Variants in AGBL4 observed in about 807,000 individuals in gnomAD.
AGBL4 encodes AGBL carboxypeptidase 4, also known as cytosolic carboxypeptidase 6.
In AGBL4, 58 loss-of-function variants were observed where a neutral mutation model predicts 66.4. The observed-to-expected ratio is 0.87, with a 90% confidence interval of 0.71 to 1.09. The LOEUF (loss-of-function observed/expected upper bound fraction) is 1.09, where lower values mean the gene tolerates loss of function less well. Among genes scored for constraint, AGBL4 ranks in the 50% least tolerant of loss-of-function variants. The pLI is 0.00. For synonymous variants in AGBL4, 234 were observed against 222.9 expected, an observed-to-expected ratio of 1.05 and a Z score of -0.44; for missense variants, 579 against 631.0, an observed-to-expected ratio of 0.92 and a Z score of 0.88.
chr1:48,984,085 C>T (rs1417363870), intron 5 of AGBL4, among the ~76,000 whole-genome samples: 4 of 151,998 alleles, frequency 2.6e-5, no homozygotes, highest in Non-Finnish European at 5.9e-5. Flanking sequence ...TAGGAGAGAA[C>T]ATACAAGGAT....
Position 49,202,056 on chromosome 1 carries a change from C to T in AGBL4, c.377+43714G>A, listed in dbSNP as rs563374158. Among the ~76,000 whole-genome samples the T allele has an allele frequency of 2.4e-4, 36 of 152,204 alleles. 1 individual carries two copies. In the South Asian group the frequency reaches 7.5e-3, roughly 32 times the overall value. ...AATTCCCTCAGGAGATGCTATCCAT[C>T]AAAGGGCTCTCCTTAGCAGTAGAAT... is the stretch of plus-strand genomic sequence containing the variant. On this transcript the variant is annotated intron_variant, in intron 4 of 13. Transcript: ENST00000371839.
chr1:48,820,233 C>T (rs1646280827), intron 6 of AGBL4, among the ~76,000 whole-genome samples: 1 of 152,108 alleles, frequency 6.6e-6, no homozygotes, highest in Admixed American at 6.5e-5. Context: ...TTAGAAAACA[C>T]TCTCATTTAA....
At chr1:48,763,233 C>A (rs886764791) in intron 6 of AGBL4, among the ~76,000 whole-genome samples, 2 of 152,186 alleles carry the variant, frequency 1.3e-5, no homozygotes, top group African/African-American at 4.8e-5. Flanking sequence ...GCCTTTCCCA[C>A]TGAGTGGAGG....
intron 6 of AGBL4, among the ~76,000 whole-genome samples, chr1:48,669,630 T>C (rs989687982): frequency 1.3e-5 from 2 of 152,194 alleles, no homozygotes; most frequent in African/African-American, 4.8e-5. Flanking sequence ...TCCCAGACTT[T>C]ATATATATTT....
intron 6 of AGBL4, among the ~76,000 whole-genome samples, chr1:48,746,201 CAA>C (rs1325549098): frequency 1.3e-5 from 2 of 152,130 alleles, no homozygotes; most frequent in Admixed American, 6.5e-5. Flanking sequence ...TTATATGAAA[CAA>C]TGATTTCAGA....
At chr1:49,483,549 T>A (rs1478660725) in intron 3 of AGBL4, among the ~76,000 whole-genome samples, 1 of 152,028 alleles carries the variant, frequency 6.6e-6, no homozygotes, top group Non-Finnish European at 1.5e-5. Context: ...GATATCCATA[T>A]GGAAAAGAAG....
chr1:49,988,560 G>C (rs1469431901), intron 1 of AGBL4, among the ~76,000 whole-genome samples: 3 of 152,174 alleles, frequency 2.0e-5, no homozygotes, highest in Non-Finnish European at 4.4e-5. Flanking sequence ...CCTGCATGAA[G>C]CAAAGAAAGG....
chr1:49,684,561 G>T (rs1336852079), intron 3 of AGBL4, among the ~76,000 whole-genome samples: 6 of 152,118 alleles, frequency 3.9e-5, no homozygotes, highest in Non-Finnish European at 4.4e-5. Context: ...ACCATGTCAT[G>T]TCACATCAAT....
At chr1:49,718,584 T>C (rs192072411) in intron 2 of AGBL4, among the ~76,000 whole-genome samples, 109 of 152,250 alleles carry the variant, frequency 7.2e-4, no homozygotes, top group Middle Eastern at 6.8e-3. Flanking sequence ...TCTTTAATTG[T>C]GAAAATTAAT....
chr1:49,794,133 CTG>C (rs1221589100), intron 2 of AGBL4, among the ~76,000 whole-genome samples: 1 of 151,858 alleles, frequency 6.6e-6, no homozygotes, highest in Non-Finnish European at 1.5e-5. Context: ...AACAACATGA[CTG>C]TGTTTGTCAT....
chr1:50,004,162 A>T (rs1660964896), intron 1 of AGBL4, among the ~76,000 whole-genome samples: 1 of 152,202 alleles, frequency 6.6e-6, no homozygotes, highest in Non-Finnish European at 1.5e-5. Context: ...GGGACTTTTC[A>T]TTGGAACTCA....
intron 3 of AGBL4, among the ~76,000 whole-genome samples, chr1:49,599,606 A>C (rs992351567): frequency 3.9e-5 from 6 of 151,946 alleles, no homozygotes; most frequent in African/African-American, 1.5e-4. Context: ...TCATGTCTCT[A>C]TCTCCTTCAG....
intron 3 of AGBL4, among the ~76,000 whole-genome samples, chr1:49,691,818 T>C (rs1161736048): frequency 6.6e-6 from 1 of 152,084 alleles, no homozygotes; most frequent in Non-Finnish European, 1.5e-5. Context: ...GAGACTGGAC[T>C]AGTCTCCCAG....
chr1:49,118,534 C>T (rs2148037811), intron 4 of AGBL4, among the ~76,000 whole-genome samples: 1 of 152,294 alleles, frequency 6.6e-6, no homozygotes, highest in East Asian at 1.9e-4. Context: ...GGCCCTGCAT[C>T]CCAGGGATGA....
chr1:49,520,940 C>T (rs1650211098), intron 3 of AGBL4, among the ~76,000 whole-genome samples: 2 of 151,888 alleles, frequency 1.3e-5, no homozygotes, highest in Admixed American at 6.6e-5. Flanking sequence ...TCCCGAGTAG[C>T]TGGGACTACA....
At chr1:49,314,887 C>T (rs1482113789) in intron 3 of AGBL4, among the ~76,000 whole-genome samples, 2 of 152,110 alleles carry the variant, frequency 1.3e-5, no homozygotes, top group Non-Finnish European at 2.9e-5. Context: ...TCTTCTCCAG[C>T]ATCTGTTGTT....
intron 3 of AGBL4, among the ~76,000 whole-genome samples, chr1:49,345,861 A>C (rs1248674648): frequency 1.3e-5 from 2 of 152,164 alleles, no homozygotes; most frequent in African/African-American, 4.8e-5. Context: ...ACAAAATTGG[A>C]GGAGACACTG....
Position 49,947,966 on chromosome 1 carries a change from ATATATATTTATAAATATATATT to A in AGBL4, c.34+75775_34+75796del, listed in dbSNP as rs1655408981. ...CAATAGCTGCAATATATATATAAATATATATATTTATAAATATATATTTATATATATAAATATATATAAATAT... is the reference window on the plus strand; with the variant it reads ...CAATAGCTGCAATATATATATAAATATATATATATAAATATATATAAATAT... On this transcript the variant is annotated intron_variant, in intron 1 of 13. Transcript: ENST00000371839. Among the ~76,000 whole-genome samples, 3 of 75,072 alleles carry A rather than the reference ATATATATTTATAAATATATATT, an allele frequency of 4.0e-5. 1 individual carries two copies. Among genetic ancestry groups the A allele is most frequent in the African/African-American group, 1.2e-4 (3 of 24,826 alleles). 49.3% of individuals were successfully genotyped at this position (75,072 alleles called of 152,430 possible). A position where few individuals can be genotyped will look rare whatever the true frequency, so the allele number is the denominator to read the frequency against.
chr1:50,001,505 G>GTATA (rs1411467037), intron 1 of AGBL4, among the ~76,000 whole-genome samples: 2 of 129,816 alleles, frequency 1.5e-5, no homozygotes, highest in Non-Finnish European at 3.3e-5. Context: ...GTATGTGTGT[G>GTATA]TGTATATATA....
Sources: allele counts gnomAD v4.1 joint callset (sites outside exome capture counted in the v4.1 genomes callset), GRCh38; gene constraint gnomAD v4.1.1; transcripts MANE v1.5; gene names NCBI Gene and HGNC (gene_info 2026-07-23, HGNC 2026-07-21).